Variants in ADAM15 observed in about 807,000 individuals in gnomAD.
The protein encoded by ADAM15 is ADAM metallopeptidase domain 15.
A neutral mutation model predicts 113.8 loss-of-function variants in ADAM15; 77 were observed. The observed-to-expected ratio is 0.68, with a 90% confidence interval of 0.56 to 0.82. ADAM15 has a LOEUF of 0.82. Among genes scored for constraint, ADAM15 ranks in the 40% least tolerant of loss-of-function variants. The pLI is 0.00. For missense variants in ADAM15, 963 were observed against 1,120.1 expected, an observed-to-expected ratio of 0.86 and a Z score of 2.00; for synonymous variants, 388 against 454.1, an observed-to-expected ratio of 0.85 and a Z score of 1.85.
chr1:155,052,487 A>C, intron 1 of ADAM15, 184 bp from the exon 2 acceptor site: 1 of 1,535,592 alleles, frequency 6.5e-7, no homozygotes, highest in Non-Finnish European at 8.7e-7. Context: ...GTGGAAAGCC[A>C]TAAATTAGAG....
chr1:155,053,161 G>A (rs2102386940), intron 2 of ADAM15, among the ~76,000 whole-genome samples: 1 of 133,698 alleles, frequency 7.5e-6, no homozygotes, highest in African/African-American at 2.8e-5. Context: ...GCTGGGGCTT[G>A]TGCTGGGTCC....
intron 2 of ADAM15, 25 bp from the exon 3 acceptor site, chr1:155,053,392 G>C (rs1661351936): frequency 6.2e-7 from 1 of 1,611,966 alleles, no homozygotes. Flanking sequence ...GTCTAGGGAG[G>C]TGACCTGCCC....
Position 155,060,187 on chromosome 1 carries a change from C to G in ADAM15, c.2069-18C>G. On this transcript the variant is annotated intron_variant, in intron 17 of 22. Coordinates refer to ENST00000356955, the MANE Select transcript of ADAM15 (RefSeq NM_207197.3). The stretch of plus-strand genomic sequence containing the variant: ...GTTCTTAGCCCCGTCCTCCCTTAAA[C>G]CTGACTTCCGCCCACAGCAACCAGC... The G allele has an allele frequency of 1.2e-6, 2 of 1,613,242 alleles. No individual in the cohort carries two copies. The highest frequency in any genetic ancestry group is 1.7e-6 in the Non-Finnish European group (2 of 1,179,356).
In ADAM15 at chr1:155,056,036, C is replaced by G; in HGVS notation, c.744+36C>G. On this transcript the variant is annotated intron_variant, in intron 8 of 22. Transcript: ENST00000356955. This position sits in a 1 kb window ranked among gnomAD's most constrained non-coding sequence, Gnocchi z 4.0. ...GACAGGGCAACCCCCACCCCAGGCCCCTGACCATGGCAACCCCTCTTCTGA... is the reference window on the plus strand; with the variant it reads ...GACAGGGCAACCCCCACCCCAGGCCGCTGACCATGGCAACCCCTCTTCTGA... 6.2e-7 allele frequency: 1 copy of G among 1,612,590 alleles called. No homozygotes were observed. Among genetic ancestry groups the G allele is most frequent in the Non-Finnish European group, 8.5e-7 (1 of 1,179,748 alleles).
intron 19 of ADAM15, 44 bp from the exon 20 acceptor site, chr1:155,061,371 T>C (rs1012132221): frequency 6.4e-7 from 1 of 1,567,914 alleles, no homozygotes; most frequent in African/African-American, 1.3e-5. Flanking sequence ...TCTCTCTGCT[T>C]CCTCTTCCCC....
Position 155,056,421 on chromosome 1 carries a change from C to T in ADAM15, c.950C>T (p.Ala317Val). The change falls in exon 10 of 23, where the codon GCC becomes GTC. Residue 317 changes from alanine (A) to valine (V), a missense_variant. Ala to Val is a moderately conservative substitution (Grantham distance 64). Transcript: ENST00000356955. This position sits in a 1 kb window ranked among gnomAD's most constrained non-coding sequence, Gnocchi z 4.0. ...TTCTCTGGGCCTACGGTGGGCATGG[C>T]CATTCAGAACTCCATCTGTTCTCCT... ...TSFSGPTVGM[A>V]IQNSICSPDF... The T allele has an allele frequency of 6.2e-7, 1 of 1,614,112 alleles. No individual in the cohort carries two copies.
Position 155,062,433 on chromosome 1 carries a change from C to A in ADAM15, c.2550-27C>A, listed in dbSNP as rs1558136279. ...ACCTGGGGGAAAGGGGCCTCTGACTCTTTTTTCTTGGCTTCCCGCAATCCA... is the reference window on the plus strand; with the variant it reads ...ACCTGGGGGAAAGGGGCCTCTGACTATTTTTTCTTGGCTTCCCGCAATCCA... On this transcript the variant is annotated intron_variant, in intron 22 of 22. Coordinates refer to ENST00000356955, the MANE Select transcript of ADAM15 (RefSeq NM_207197.3). This position sits in a 1 kb window ranked among gnomAD's most constrained non-coding sequence, Gnocchi z 7.0. The A allele has an allele frequency of 6.2e-7, 1 of 1,613,146 alleles. No homozygotes were observed. The highest frequency in any genetic ancestry group is 1.7e-5 in the Admixed American group (1 of 59,988).
intron 19 of ADAM15, 71 bp from the exon 20 acceptor site, chr1:155,061,344 C>A: frequency 1.5e-6 from 2 of 1,328,992 alleles, no homozygotes; most frequent in Non-Finnish European, 2.1e-6. Flanking sequence ...GGCACTGACC[C>A]TTCCCTGCCC....
chr1:155,060,058 AC>A (rs1224934289), intron 17 of ADAM15, 84 bp downstream of exon 17: 4 of 1,576,674 alleles, frequency 2.5e-6, no homozygotes, highest in South Asian at 1.1e-5. Context: ...TCTCTTTCTG[AC>A]CCCCCTTTGC....
intron 19 of ADAM15, chr1:155,061,145 T>G (rs1193784473): frequency 3.5e-6 from 2 of 577,858 alleles, no homozygotes; most frequent in Non-Finnish European, 6.2e-6. Context: ...AGGGCAGTGG[T>G]GCTCAGAATG....
rs761101051 is a variant in ADAM15, at chr1:155,060,307, G to A, written c.2171G>A (p.Arg724Gln). 2.0e-5 allele frequency: 32 copies of A among 1,613,910 alleles called. No homozygotes were observed. The Admixed American group carries it at 2.2e-4, about 11-fold the overall frequency. Residue 724 changes from arginine to glutamine, a missense_variant, in exon 18 of 23, where the codon CGA becomes CAA. Coordinates refer to ENST00000356955, the MANE Select transcript of ADAM15 (RefSeq NM_207197.3). ...SYWYRARLHQ[R>Q]LCQLKGPTCQ... is the part of the protein sequence containing the mutation. ...TGGTACCGTGCCCGCCTGCACCAGC[G>A]ACTCTGCCAGCTCAAGGGACCCACC...
intron 3 of ADAM15, among the ~76,000 whole-genome samples, 159 bp from the exon 4 acceptor site, chr1:155,053,751 G>T (rs1268820545): frequency 1.3e-5 from 2 of 152,194 alleles, no homozygotes; most frequent in Non-Finnish European, 2.9e-5. Flanking sequence ...AGAGTCAGTG[G>T]CCCAACCAGT....
In ADAM15 at chr1:155,056,774, C is replaced by A. The variant is rs1169319642; in HGVS notation, c.1000-179C>A. On this transcript the variant is annotated intron_variant, in intron 10 of 22. Transcript: ENST00000356955. This position sits in a 1 kb window ranked among gnomAD's most constrained non-coding sequence, Gnocchi z 4.0. ...GAGGGGGACAGAGCTGAGCTAGAAC[C>A]CAAGTTTCTGCCATCCAGGCCTGGG... 1.3e-5 allele frequency among the ~76,000 whole-genome samples: 2 copies of A among 152,130 alleles called. No homozygotes were observed. The highest frequency in any genetic ancestry group is 6.5e-5 in the Admixed American group (1 of 15,280).
chr1:155,057,103 T>G lies in ADAM15; in HGVS notation c.1148+2T>G. ...CTGCATCATGGAGGCCTCCACAGAGTAAGTAGCTGCAGGATGGAGAGAGGG... is the reference window on the plus strand; with the variant it reads ...CTGCATCATGGAGGCCTCCACAGAGGAAGTAGCTGCAGGATGGAGAGAGGG... On this transcript the variant is annotated splice_donor_variant, in intron 11 of 22. Transcript: ENST00000356955. LOFTEE classifies it high-confidence loss of function. The surrounding 1 kb of genome is among the most constrained non-coding windows in gnomAD (Gnocchi z 5.0). 6.4e-7 allele frequency: 1 copy of G among 1,568,838 alleles called. No individual in the cohort carries two copies. The highest frequency in any genetic ancestry group is 8.7e-7 in the Non-Finnish European group (1 of 1,155,446).
chr1:155,061,761 C>T, intron 20 of ADAM15, 143 bp from the exon 21 acceptor site: 1 of 1,007,224 alleles, frequency 9.9e-7, no homozygotes, highest in Non-Finnish European at 1.5e-6. Flanking sequence ...GCTGGCATGC[C>T]TCCAAGCCCT....
chr1:155,058,088 A>T lies in ADAM15; in HGVS notation c.1654A>T (p.Thr552Ser), dbSNP rs752120270. The T allele has an allele frequency of 1.2e-6, 2 of 1,613,990 alleles. No homozygotes were observed. Among genetic ancestry groups the T allele is most frequent in the South Asian group, 2.2e-5 (2 of 91,084 alleles). ...GCCACTTTGCCTCCAGACAGCTAATACTCGGGGAAATGCTTTTGGGAGCTG... is the reference window on the plus strand; with the variant it reads ...GCCACTTTGCCTCCAGACAGCTAATTCTCGGGGAAATGCTTTTGGGAGCTG... ...AAPLCLQTAN[T>S]RGNAFGSCGR... The change falls in exon 14 of 23, where the codon ACT becomes TCT. Residue 552 changes from threonine to serine, a missense_variant. Transcript: ENST00000356955. The surrounding 1 kb of genome is among the most constrained non-coding windows in gnomAD (Gnocchi z 4.3).
At position 155,060,187 on chromosome 1, in the gene ADAM15, C is replaced by A; in HGVS notation, c.2069-18C>A. 6.2e-7 allele frequency: 1 copy of A among 1,613,242 alleles called. No individual in the cohort carries two copies. Among genetic ancestry groups the A allele is most frequent in the Non-Finnish European group, 8.5e-7 (1 of 1,179,356 alleles). On this transcript the variant is annotated intron_variant, in intron 17 of 22. Coordinates refer to ENST00000356955, the MANE Select transcript of ADAM15 (RefSeq NM_207197.3). ...GTTCTTAGCCCCGTCCTCCCTTAAACCTGACTTCCGCCCACAGCAACCAGC... is the reference window on the plus strand; with the variant it reads ...GTTCTTAGCCCCGTCCTCCCTTAAAACTGACTTCCGCCCACAGCAACCAGC...
At chr1:155,059,353 C>T (rs1662238942) in intron 16 of ADAM15, among the ~76,000 whole-genome samples, 1 of 152,106 alleles carries the variant, frequency 6.6e-6, no homozygotes, top group Non-Finnish European at 1.5e-5. Context: ...AGGGGTGAGC[C>T]ACTGCACCCA....
intron 6 of ADAM15, chr1:155,055,491 G>C (rs1050006529): frequency 2.6e-6 from 1 of 390,538 alleles, no homozygotes; most frequent in Non-Finnish European, 4.8e-6. Context: ...CTCCCAAAGT[G>C]CTGAGATTAC....
Sources: gnomAD v4.1 joint callset for allele counts (sites outside exome capture counted in the v4.1 genomes callset) on GRCh38, gnomAD v4.1.1 for gene constraint, Gnocchi (gnomAD v3.1) non-coding constraint, MANE v1.5 for transcripts, NCBI Gene and HGNC (gene_info 2026-07-23, HGNC 2026-07-21) for gene names.